The following NAT10 variants were observed in gnomAD, a reference collection of about 807,000 sequenced individuals.
NAT10 encodes the protein RNA cytidine acetyltransferase.
In NAT10, 109 loss-of-function variants were observed where a neutral mutation model predicts 132.2. The observed-to-expected ratio is 0.82, with a 90% CI of 0.71 to 0.97. The LOEUF is 0.97. Ranked by LOEUF, NAT10 falls within the 50% of genes least tolerant of loss-of-function variation. The pLI is 0.00. For missense variants in NAT10, 1,184 were observed against 1,263.4 expected (o/e 0.94, Z 0.95); for synonymous variants, 479 against 478.0 (o/e 1.00, Z -0.03).
Position 34,127,461 on chromosome 11 carries a change from A to G in NAT10, c.1108-2A>G, listed in dbSNP as rs753599572. On this transcript the variant is annotated splice_acceptor_variant, in intron 11 of 28. Coordinates refer to ENST00000257829, the MANE Select transcript of NAT10 (RefSeq NM_024662.3). LOFTEE classifies it high-confidence loss of function. ...AATAATCTAAATTTTCCTTCCCCAT[A>G]GTATATACATCCTGCAGATGCTGTG... is the stretch of plus-strand genomic sequence containing the variant. 3.7e-6 allele frequency: 6 copies of G among 1,605,140 alleles called. No individual in the cohort carries two copies. Among genetic ancestry groups the G allele is most frequent in the Non-Finnish European group, 4.3e-6 (5 of 1,173,706 alleles).
chr11:34,144,693 G>A (rs535447748), intron 28 of NAT10, among the ~76,000 whole-genome samples: 81 of 152,306 alleles, frequency 5.3e-4, no homozygotes, highest in Admixed American at 2.9e-3. Flanking sequence ...GCAGAGTGGT[G>A]CATTTGTAAA....
At chr11:34,118,560 C>A (rs1049004859) in intron 8 of NAT10, 57 bp downstream of exon 8, 2 of 1,437,750 alleles carry the variant, frequency 1.4e-6, no homozygotes. Flanking sequence ...GCATACGGAG[C>A]GTAACAGAAG....
Position 34,118,308 on chromosome 11 carries a change from G to T in NAT10, c.672+14G>T. 6.2e-7 allele frequency: 1 copy of T among 1,612,836 alleles called. No individual in the cohort carries two copies. Among genetic ancestry groups the T allele is most frequent in the Non-Finnish European group, 8.5e-7 (1 of 1,178,836 alleles). ...CCCCAGACTCCGGTGAGTCTGTGCT[G>T]GGGTCCAGGAATCTGGGGGAGGCTA... is the stretch of plus-strand genomic sequence containing the variant. On this transcript the variant is annotated intron_variant, in intron 7 of 28. Coordinates refer to ENST00000257829, the MANE Select transcript of NAT10 (RefSeq NM_024662.3).
intron 28 of NAT10, among the ~76,000 whole-genome samples, chr11:34,145,489 G>A (rs927896385): frequency 5.3e-5 from 8 of 152,198 alleles, no homozygotes; most frequent in African/African-American, 1.9e-4. Context: ...CTTAATGGCA[G>A]GTGGCCGTTT....
chr11:34,114,736 A>G (rs1590762170), intron 5 of NAT10, among the ~76,000 whole-genome samples: 1 of 151,890 alleles, frequency 6.6e-6, no homozygotes, highest in South Asian at 2.1e-4. Flanking sequence ...CTTTCCTCAC[A>G]CCCTGTTTAC....
At chr11:34,108,451 G>A in intron 2 of NAT10, 118 bp downstream of exon 2, 1 of 819,584 alleles carries the variant, frequency 1.2e-6, no homozygotes, top group Non-Finnish European at 2.0e-6. Context: ...CTGGTAAGAT[G>A]CCTAGTGGGA....
chr11:34,110,093 A>G (rs1460547215), intron 3 of NAT10, among the ~76,000 whole-genome samples: 1 of 152,120 alleles, frequency 6.6e-6, no homozygotes, highest in Non-Finnish European at 1.5e-5. Context: ...GGCATCACCT[A>G]AGAAATAGTC....
At chr11:34,111,420 G>C (rs529502455) in intron 3 of NAT10, among the ~76,000 whole-genome samples, 23 of 152,190 alleles carry the variant, frequency 1.5e-4, no homozygotes, top group Non-Finnish European at 2.6e-4. Flanking sequence ...CTCCATTCTA[G>C]AACATTCTAA....
intron 28 of NAT10, among the ~76,000 whole-genome samples, 156 bp from the exon 29 acceptor site, chr11:34,145,928 A>G (rs1022020144): frequency 1.6e-4 from 24 of 152,174 alleles, no homozygotes; most frequent in Admixed American, 6.5e-5. Context: ...CCTGCCCCCT[A>G]ATAGGTTTGC....
chr11:34,143,579 C>T, intron 28 of NAT10, 51 bp downstream of exon 28: 1 of 1,508,586 alleles, frequency 6.6e-7, no homozygotes, highest in Non-Finnish European at 9.1e-7. Flanking sequence ...ATTCTGGCCT[C>T]TCTGCTTCTC....
At chr11:34,142,019 T>A in intron 26 of NAT10, 1 of 532,946 alleles carries the variant, frequency 1.9e-6, no homozygotes, top group Admixed American at 3.3e-5. Flanking sequence ...TCCCACTGAT[T>A]GTGTGTGTGT....
At chr11:34,143,922 CAG>C (rs958520261) in intron 28 of NAT10, among the ~76,000 whole-genome samples, 37 of 152,186 alleles carry the variant, frequency 2.4e-4, no homozygotes, top group Non-Finnish European at 4.6e-4. Context: ...ACAAGGCTCT[CAG>C]GGGTTAAGTT....
intron 16 of NAT10, 132 bp downstream of exon 16, chr11:34,133,274 C>T: frequency 1.4e-6 from 1 of 719,592 alleles, no homozygotes; most frequent in Non-Finnish European, 2.4e-6. Flanking sequence ...GGGGCTGGGT[C>T]TGCTGAGACA....
chr11:34,134,845 T>C (rs1273847291), intron 18 of NAT10, among the ~76,000 whole-genome samples: 1 of 152,162 alleles, frequency 6.6e-6, no homozygotes, highest in African/African-American at 2.4e-5. Context: ...CCTCACTGAG[T>C]AATTGGCTGT....
At chr11:34,120,591 C>T (rs1851875874) in intron 8 of NAT10, among the ~76,000 whole-genome samples, 1 of 152,236 alleles carries the variant, frequency 6.6e-6, no homozygotes. Context: ...TAGTTAGTGG[C>T]TCCTGTCCTT....
rs778095767 is a variant in NAT10, at chr11:34,134,344, G to T, written c.1760G>T (p.Arg587Leu). 1 of 1,614,186 alleles carries T rather than the reference G, an allele frequency of 6.2e-7. No homozygotes were observed. Among genetic ancestry groups the T allele is most frequent in the Middle Eastern group, 1.6e-4 (1 of 6,062 alleles). Residue 587 changes from arginine (R) to leucine (L), a missense_variant, in exon 17 of 29, where the codon CGC (arginine) becomes CTC (leucine). Transcript: ENST00000257829. ...GTGTGCCTTGAAGGGGAGATTTCTC[G>T]CCAGTCCATCTTGAACAGTCTGTCT... ...IQVCLEGEIS[R>L]QSILNSLSRG...
chr11:34,130,816 T>G lies in NAT10; in HGVS notation c.1248T>G (p.Tyr416Ter). 4.3e-6 allele frequency: 7 copies of G among 1,614,082 alleles called. No individual in the cohort carries two copies. The highest frequency in any genetic ancestry group is 5.9e-6 in the Non-Finnish European group (7 of 1,179,948). ...TTCCTTTTGCCTTTGTTTCTAGCTA[T>G]GAGGGCACTGGCCGGTCACTGTCCC... ...LVFMASTING[Y>*]EGTGRSLSLK... The change falls in exon 13 of 29, where the codon TAT (tyrosine) becomes TAG (stop). Residue 416 changes from tyrosine (Y) to a stop codon, truncating the protein, a stop_gained. Coordinates refer to ENST00000257829, the MANE Select transcript of NAT10 (RefSeq NM_024662.3). LOFTEE classifies it high-confidence loss of function.
In NAT10 at chr11:34,139,365, T is replaced by C. The variant is rs367716874; in HGVS notation, c.2309-20T>C. On this transcript the variant is annotated intron_variant, in intron 22 of 28. Transcript: ENST00000257829. ...GGGGATGCCTCCAGACCTCTAACTCTGCGTGATGGCACCCCACAGATTTCC... is the reference window on the plus strand; with the variant it reads ...GGGGATGCCTCCAGACCTCTAACTCCGCGTGATGGCACCCCACAGATTTCC... 5.0e-6 allele frequency: 8 copies of C among 1,613,448 alleles called. No individual in the cohort carries two copies. In the African/African-American group the frequency reaches 1.1e-4, roughly 22 times the overall value.
chr11:34,135,395 C>G (rs970530294), intron 19 of NAT10, 104 bp downstream of exon 19: 2 of 838,660 alleles, frequency 2.4e-6, no homozygotes, highest in Non-Finnish European at 3.9e-6. Context: ...TTGGACCCCT[C>G]TCTCATTTTC....
Sources: gnomAD v4.1 joint callset for allele counts (sites outside exome capture counted in the v4.1 genomes callset) on GRCh38, gnomAD v4.1.1 for gene constraint, MANE v1.5 for transcripts, NCBI Gene and HGNC (gene_info 2026-07-23, HGNC 2026-07-21) for gene names.